The following MOSPD2 variants were observed in gnomAD, a reference collection of about 807,000 sequenced individuals.
MOSPD2 encodes the protein motile sperm domain-containing protein 2.
Under a neutral mutation model 41.7 loss-of-function variants are expected in MOSPD2, and 5 were observed. The observed-to-expected ratio is 0.12, with a 90% CI of 0.06 to 0.25. The LOEUF (loss-of-function observed/expected upper bound fraction) is 0.25. Among genes scored for constraint, MOSPD2 ranks in the 10% least tolerant of loss-of-function variants. The pLI is 1.00. For missense variants in MOSPD2, 282 were observed against 375.2 expected, an observed-to-expected ratio of 0.75 and a Z score of 2.05; for synonymous variants, 115 against 126.9, an observed-to-expected ratio of 0.91 and a Z score of 0.63.
intron 2 of MOSPD2, among the ~76,000 whole-genome samples, chrX:14,875,222 T>C (rs2092517843): frequency 8.9e-6 from 1 of 112,583 alleles, no homozygotes; most frequent in Non-Finnish European, 1.9e-5. Flanking sequence ...TGTCTTCTGA[T>C]TTTCACTACA....
intron 11 of MOSPD2, among the ~76,000 whole-genome samples, chrX:14,914,810 T>C (rs1459459099): frequency 1.8e-5 from 2 of 112,253 alleles, no homozygotes; most frequent in Admixed American, 1.9e-4. Flanking sequence ...CTGAATCTTT[T>C]ACGTGCAGTA....
chrX:14,903,430 A>C (rs1308714853), intron 7 of MOSPD2, among the ~76,000 whole-genome samples: 1 of 111,812 alleles, frequency 8.9e-6, no homozygotes, highest in East Asian at 2.8e-4. Context: ...TCATGCACAG[A>C]TAAGGTATGT....
chrX:14,902,197 T>C (rs2147494686), intron 6 of MOSPD2, among the ~76,000 whole-genome samples: 1 of 111,663 alleles, frequency 9.0e-6, no homozygotes, highest in South Asian at 3.7e-4. Flanking sequence ...TCCTTATATG[T>C]ACTTTACTTG....
At chrX:14,898,507 A>T (rs2092566833) in intron 5 of MOSPD2, among the ~76,000 whole-genome samples, 1 of 111,696 alleles carries the variant, frequency 9.0e-6, no homozygotes, top group African/African-American at 3.2e-5. Flanking sequence ...TTTTTCAAGG[A>T]TCCGATGCCC....
In MOSPD2 at chrX:14,912,261, G is replaced by A. The variant is rs1439661540; in HGVS notation, c.892G>A (p.Glu298Lys). 1.6e-5 allele frequency: 19 copies of A among 1,166,928 alleles called. No homozygotes were observed. Among genetic ancestry groups the A allele is most frequent in the East Asian group, 3.1e-5 (1 of 32,582 alleles). ...TTTTTGTCTTTAGATTAACCCAACC[G>A]AATCTACTTCCAAAGCAGAAGAAAA... ...TPLLKKINPT[E>K]STSKAEENEK... The change falls in exon 10 of 15, where the codon GAA becomes AAA. Residue 298 changes from glutamate (E) to lysine (K), a missense_variant. By Grantham distance (56) the Glu-to-Lys change is moderately conservative. Coordinates refer to ENST00000380492, the MANE Select transcript of MOSPD2 (RefSeq NM_152581.4).
At chrX:14,899,783 G>A (rs193283953) in intron 5 of MOSPD2, among the ~76,000 whole-genome samples, 7 of 110,255 alleles carry the variant, frequency 6.3e-5, no homozygotes, top group African/African-American at 2.3e-4. Flanking sequence ...TTGCTTGGTT[G>A]TATCTTTCAT....
In MOSPD2 at chrX:14,920,080, A is replaced by AT. The variant is rs749153464; in HGVS notation, c.*277dup. The AT allele has an allele frequency of 3.2e-5, 24 of 755,969 alleles. No individual in the cohort carries two copies. The highest frequency in any genetic ancestry group is 1.5e-4 in the Admixed American group (2 of 13,414). The allele number at this position is 755,969 out of a possible 1,213,427, so 62.3% of individuals were successfully genotyped here. On this transcript the variant is annotated 3_prime_UTR_variant, in exon 15 of 15. Coordinates refer to ENST00000380492, the MANE Select transcript of MOSPD2 (RefSeq NM_152581.4). Reference sequence around the variant, plus strand: ...TAAATTAATAGTTTAAATATAATTTATTTTTTCCTTTTGATCTGAATACTT... The same window carrying AT: ...TAAATTAATAGTTTAAATATAATTTATTTTTTTCCTTTTGATCTGAATACTT...
At chrX:14,909,834 A>ATTTGAAGTCTGCTTCTTTCTTATTC (rs2092588500) in intron 8 of MOSPD2, among the ~76,000 whole-genome samples, 1 of 111,568 alleles carries the variant, frequency 9.0e-6, no homozygotes, top group African/African-American at 3.2e-5. Flanking sequence ...AATATTTTTA[A>ATTTGAAGTCTGCTTCTTTCTTATTC]TTTGAAGTCT....
At chrX:14,903,830 A>G in intron 7 of MOSPD2, among the ~76,000 whole-genome samples, 1 of 112,031 alleles carries the variant, frequency 8.9e-6, no homozygotes, top group East Asian at 2.8e-4. Flanking sequence ...AAGAAGGGAC[A>G]TTACTATTGA....
chrX:14,894,121 C>A (rs977528374), intron 3 of MOSPD2, among the ~76,000 whole-genome samples: 3 of 110,374 alleles, frequency 2.7e-5, no homozygotes, highest in Non-Finnish European at 5.7e-5. Flanking sequence ...TTCTTATCTT[C>A]TCTTTTCTTT....
At chrX:14,873,912 G>A in intron 2 of MOSPD2, 154 bp downstream of exon 2, 1 of 511,866 alleles carries the variant, frequency 2.0e-6, no homozygotes, top group Non-Finnish European at 3.5e-6. Flanking sequence ...TCCTCTCCAT[G>A]ACAAGCCGTG....
chrX:14,877,962 A>G (rs1322699317), intron 2 of MOSPD2, among the ~76,000 whole-genome samples: 1 of 107,488 alleles, frequency 9.3e-6, no homozygotes, highest in Non-Finnish European at 1.9e-5. Flanking sequence ...TGGGCGACAG[A>G]GCAAGACTCC....
chrX:14,876,202 T>C (rs1230076784), intron 2 of MOSPD2, among the ~76,000 whole-genome samples: 1 of 112,106 alleles, frequency 8.9e-6, no homozygotes, highest in East Asian at 2.8e-4. Context: ...TTTGTTTGTT[T>C]AATTTGCCTG....
chrX:14,918,711 C>T lies in MOSPD2; in HGVS notation c.1348C>T (p.Pro450Ser), dbSNP rs1192115262. ...ATGCCATACTGTTGAAAGCAGTAAA[C>T]CAAACACTCTTACGTTAAAAGACAA... is the stretch of plus-strand genomic sequence containing the variant. ...LRCHTVESSK[P>S]NTLTLKDNAF... is the part of the protein sequence containing the mutation. Residue 450 changes from proline to serine, a missense_variant, in exon 14 of 15, where the codon CCA (proline) becomes TCA (serine). Pro to Ser is a moderately conservative substitution (Grantham distance 74, BLOSUM62 -1). Transcript: ENST00000380492. The T allele has an allele frequency of 1.7e-6, 2 of 1,200,566 alleles. No individual in the cohort carries two copies. The highest frequency in any genetic ancestry group is 2.3e-6 in the Non-Finnish European group (2 of 886,345).
chrX:14,911,319 A>C lies in MOSPD2; in HGVS notation c.785A>C (p.Glu262Ala). The change falls in exon 9 of 15, where the codon GAG becomes GCG. Residue 262 changes from glutamate to alanine, a missense_variant. Glu to Ala is a moderately radical substitution (Grantham distance 107). Transcript: ENST00000380492. ...TGTGAGAATGGGCCTATTACCAGTG[A>C]GGATGAAACTTCAAGTAAAGAAGAC... ...PLCENGPITSEDETSSKEDIE... is the reference protein window; with the variant it reads ...PLCENGPITSADETSSKEDIE... The C allele has an allele frequency of 8.3e-7, 1 of 1,201,522 alleles. No homozygotes were observed. The highest frequency in any genetic ancestry group is 1.8e-5 in the South Asian group (1 of 56,435).
chrX:14,898,979 T>G (rs988271575), intron 5 of MOSPD2, among the ~76,000 whole-genome samples: 1 of 109,128 alleles, frequency 9.2e-6, no homozygotes, highest in East Asian at 2.8e-4. Context: ...AATAAGAAAA[T>G]CATTTGTTAG....
intron 3 of MOSPD2, chrX:14,893,444 G>A (rs1464862113): frequency 1.8e-5 from 2 of 111,472 alleles, no homozygotes; most frequent in East Asian, 5.6e-4. Context: ...TAATTTCTAA[G>A]TCTGCTACTA....
intron 13 of MOSPD2, among the ~76,000 whole-genome samples, chrX:14,917,174 A>G (rs1242834523): frequency 8.9e-6 from 1 of 112,095 alleles, no homozygotes; most frequent in Non-Finnish European, 1.9e-5. Flanking sequence ...CCAAATGCCC[A>G]TAGTGTCGAG....
intron 2 of MOSPD2, among the ~76,000 whole-genome samples, chrX:14,883,619 C>A (rs763536498): frequency 7.1e-5 from 8 of 112,143 alleles, no homozygotes; most frequent in Admixed American, 6.6e-4. Context: ...AGAAGCTTTT[C>A]TTTACCCATT....
Sources: gnomAD v4.1 joint callset for allele counts (sites outside exome capture counted in the v4.1 genomes callset) on GRCh38, gnomAD v4.1.1 for gene constraint, MANE v1.5 for transcripts, NCBI Gene and HGNC (gene_info 2026-07-23, HGNC 2026-07-21) for gene names.